DNAH12: variants seen among roughly 807,000 people sequenced by gnomAD.
DNAH12 encodes the protein dynein axonemal heavy chain 12.
In DNAH12, 285 loss-of-function variants were observed where a neutral mutation model predicts 371.5. The ratio of observed to expected loss-of-function variants is 0.77; its 90% CI spans 0.70 to 0.85. The LOEUF is 0.85. Among genes scored for constraint, DNAH12 ranks in the 40% least tolerant of loss-of-function variants. The pLI is 0.00. For missense variants in DNAH12, 3,611 were observed against 3,689.4 expected (o/e 0.98, Z 0.55); for synonymous variants, 1,200 against 1,213.0 (o/e 0.99, Z 0.22).
intron 11 of DNAH12, among the ~76,000 whole-genome samples, chr3:57,499,968 C>A (rs1262128616): frequency 6.6e-6 from 1 of 151,134 alleles, no homozygotes; most frequent in South Asian, 2.1e-4. Flanking sequence ...CAGTTTTAAC[C>A]AATAGAACAA....
At chr3:57,499,647 AATATATAT>A (rs1176721728) in intron 11 of DNAH12, among the ~76,000 whole-genome samples, 6 of 17,958 alleles carry the variant, frequency 3.3e-4, no homozygotes, top group African/African-American at 1.0e-3. Flanking sequence ...AAAAAAAAAA[AATATATAT>A]ATATATATAT....
rs528097647 is a variant in DNAH12 at position 57,418,489 on chromosome 3, G to A, written c.5714+878C>T. On this transcript the variant is annotated intron_variant, in intron 37 of 73. Transcript: ENST00000495027. The stretch of plus-strand genomic sequence containing the variant: ...TGGGAAGTCAAGACTGCAGTGAGCC[G>A]TGATCGCACCACTGTAGTCCAGCCT... Among the ~76,000 whole-genome samples, 263 of 149,770 alleles carry A rather than the reference G, an allele frequency of 1.8e-3. 2 individuals carry two copies. The highest frequency in any genetic ancestry group is 5.9e-3 in the African/African-American group (240 of 40,736).
intron 13 of DNAH12, among the ~76,000 whole-genome samples, chr3:57,482,682 A>T (rs548017739): frequency 5.4e-4 from 82 of 152,258 alleles, no homozygotes; most frequent in African/African-American, 1.9e-3. Context: ...CAAATGTCCA[A>T]CAATGATAGA....
chr3:57,409,890 AAGGGTT>A (rs1336673275), intron 39 of DNAH12, among the ~76,000 whole-genome samples: 2 of 152,136 alleles, frequency 1.3e-5, no homozygotes, highest in Non-Finnish European at 2.9e-5. Flanking sequence ...GGGAGAATGG[AAGGGTT>A]ATCCATGAGA....
chr3:57,539,912 G>A (rs1033931972), intron 2 of DNAH12, among the ~76,000 whole-genome samples: 11 of 150,238 alleles, frequency 7.3e-5, no homozygotes, highest in South Asian at 2.1e-4. Flanking sequence ...CACCGTGCCC[G>A]GCCCCACTGT....
At chr3:57,343,674 C>T (rs1046717098) in intron 60 of DNAH12, among the ~76,000 whole-genome samples, 16 of 152,148 alleles carry the variant, frequency 1.1e-4, no homozygotes, top group Non-Finnish European at 1.3e-4. Context: ...AGGGGAAAGC[C>T]TCTTGCAGTT....
At position 57,499,667 on chromosome 3, in the gene DNAH12, T is replaced by C. The variant is rs1161608246; in HGVS notation, c.1335+1654A>G. On this transcript the variant is annotated intron_variant, in intron 11 of 73. Transcript: ENST00000495027. ...AAAAAAATATATATATATATATATA[T>C]ATATATATACTTCTTAAAAAAATTA... 1.4e-3 allele frequency among the ~76,000 whole-genome samples: 74 copies of C among 51,656 alleles called. 6 individuals are homozygous for C. The highest frequency in any genetic ancestry group is 9.8e-3 in the Middle Eastern group (1 of 102). 33.9% of individuals were successfully genotyped at this position (51,656 alleles called of 152,430 possible).
intron 13 of DNAH12, among the ~76,000 whole-genome samples, chr3:57,480,710 G>A (rs908996404): frequency 2.0e-4 from 31 of 152,200 alleles, no homozygotes; most frequent in South Asian, 1.2e-3. Context: ...ACATCAAAAA[G>A]CTTATCCACC....
At chr3:57,313,441 C>G (rs2061621081) in intron 66 of DNAH12, among the ~76,000 whole-genome samples, 2 of 152,138 alleles carry the variant, frequency 1.3e-5, no homozygotes, top group South Asian at 4.1e-4. Flanking sequence ...TGCCTGAGCT[C>G]AGGAGTTTGA....
chr3:57,354,294 G>A (rs2062746418), intron 59 of DNAH12, among the ~76,000 whole-genome samples: 1 of 152,100 alleles, frequency 6.6e-6, no homozygotes, highest in African/African-American at 2.4e-5. Flanking sequence ...TTACAACACT[G>A]AGTACACATG....
chr3:57,413,652 CT>C lies in DNAH12; in HGVS notation c.6020+93del. 5 of 1,338,516 alleles carry C rather than the reference CT, an allele frequency of 3.7e-6. No individual in the cohort carries two copies. The South Asian group carries it at 7.8e-5, about 21-fold the overall frequency. 82.9% of individuals were successfully genotyped at this position (1,338,516 alleles called of 1,614,324 possible). The stretch of plus-strand genomic sequence containing the variant: ...AAAATCTGAGCAACTATTCTTTTCC[CT>C]AAATATCTTGAAAAATGTATTATTT... On this transcript the variant is annotated intron_variant, in intron 39 of 73. Transcript: ENST00000495027.
intron 4 of DNAH12, among the ~76,000 whole-genome samples, chr3:57,520,447 A>ATTT (rs1295343503): frequency 6.0e-5 from 2 of 33,306 alleles, no homozygotes; most frequent in African/African-American, 5.1e-4. Context: ...ATTTATTATT[A>ATTT]TTATTTTTTT....
intron 42 of DNAH12, among the ~76,000 whole-genome samples, chr3:57,403,946 G>A (rs2063947464): frequency 6.6e-6 from 1 of 152,062 alleles, no homozygotes; most frequent in African/African-American, 2.4e-5. Flanking sequence ...ACTCTCCTTA[G>A]ACTAGAAAAA....
chr3:57,380,391 T>G (rs996995090), intron 50 of DNAH12, 24 bp from the exon 51 acceptor site: 1 of 152,220 alleles, frequency 6.6e-6, no homozygotes, highest in East Asian at 1.9e-4. Context: ...TTATGGAAAT[T>G]TGTTAAATTT....
At chr3:57,428,958 T>G in intron 33 of DNAH12, 137 bp from the exon 34 acceptor site, 1 of 820,128 alleles carries the variant, frequency 1.2e-6, no homozygotes, top group East Asian at 2.9e-5. Flanking sequence ...TCACACAGTC[T>G]AGACGTTCCC....
Position 57,429,796 on chromosome 3 carries a change from ATGTT to A in DNAH12, c.4981-26_4981-23del, listed in dbSNP as rs777239340. 6.0e-6 allele frequency: 9 copies of A among 1,491,538 alleles called. No homozygotes were observed. In the South Asian group the frequency reaches 1.3e-4, roughly 21 times the overall value. The allele number at this position is 1,491,538 out of a possible 1,614,324, so 92.4% of individuals were successfully genotyped here. On this transcript the variant is annotated intron_variant, in intron 32 of 73. Coordinates refer to ENST00000495027, the MANE Select transcript of DNAH12 (RefSeq NM_001366028.2). ...AAAGCTAAAAGCAATTATTTTTCAAATGTTTATTTTTTAAAATTTCAAGTTTCTC... is the reference window on the plus strand; with the variant it reads ...AAAGCTAAAAGCAATTATTTTTCAAATATTTTTTAAAATTTCAAGTTTCTC...
intron 32 of DNAH12, 102 bp from the exon 33 acceptor site, chr3:57,429,876 G>A: frequency 1.0e-6 from 1 of 968,394 alleles, no homozygotes. Flanking sequence ...GTGATATAAT[G>A]GAATAAGAAT....
At chr3:57,371,254 T>A (rs1439910001) in intron 55 of DNAH12, among the ~76,000 whole-genome samples, 6 of 152,168 alleles carry the variant, frequency 3.9e-5, no homozygotes, top group Non-Finnish European at 2.9e-5. Context: ...TAGTTTTTTT[T>A]ATTCTTGGAA....
chr3:57,442,856 G>C lies in DNAH12; in HGVS notation c.4545+1841C>G, dbSNP rs545724266. 5.3e-5 allele frequency among the ~76,000 whole-genome samples: 8 copies of C among 152,274 alleles called. No individual in the cohort carries two copies. The South Asian group carries it at 6.2e-4, about 12-fold the overall frequency. On this transcript the variant is annotated intron_variant, in intron 29 of 73. Coordinates refer to ENST00000495027, the MANE Select transcript of DNAH12 (RefSeq NM_001366028.2). Reference sequence around the variant, plus strand: ...GACAAAAAAATAAAGATGCCTTTAAGTTAAGTGATCTCTTAATGATTTGAC... The same window carrying C: ...GACAAAAAAATAAAGATGCCTTTAACTTAAGTGATCTCTTAATGATTTGAC...
Sources: allele counts gnomAD v4.1 joint callset (sites outside exome capture counted in the v4.1 genomes callset), GRCh38; gene constraint gnomAD v4.1.1; transcripts MANE v1.5; gene names NCBI Gene and HGNC (gene_info 2026-07-23, HGNC 2026-07-21).